TGFB1I1: variants seen among roughly 807,000 people sequenced by gnomAD.
TGFB1I1 encodes the protein transforming growth factor beta-1-induced transcript 1 protein.
In TGFB1I1, 33 loss-of-function variants were observed where a neutral mutation model predicts 52.0. The observed-to-expected ratio is 0.63, with a 90% confidence interval of 0.48 to 0.85. The LOEUF (loss-of-function observed/expected upper bound fraction) is 0.85, where lower values mean the gene tolerates loss of function less well. Among genes scored for constraint, TGFB1I1 ranks in the 40% least tolerant of loss-of-function variants. The pLI, the probability that TGFB1I1 is intolerant of heterozygous loss-of-function variation, is 0.00. For missense variants in TGFB1I1, 577 were observed against 614.9 expected, an observed-to-expected ratio of 0.94 and a Z score of 0.65; for synonymous variants, 236 against 253.3, an observed-to-expected ratio of 0.93 and a Z score of 0.65.
chr16:31,476,381 T>TCCCCCC lies in TGFB1I1; in HGVS notation c.889-99_889-94dup. 8.0e-7 allele frequency: 1 copy of TCCCCCC among 1,245,800 alleles called. No homozygotes were observed. The allele number at this position is 1,245,800 out of a possible 1,614,324, so 77.2% of individuals were successfully genotyped here. ...CGTTCCTAGTTAGATCTTCTCCCCC[T>TCCCCCC]CCCCCCACGCATGCCTTAGTCCAGT... On this transcript the variant is annotated intron_variant, in intron 8 of 10. Transcript: ENST00000394863. The surrounding 1 kb of genome is among the most constrained non-coding windows in gnomAD (Gnocchi z 7.6).
Position 31,477,418 on chromosome 16 carries a change from C to T in TGFB1I1, c.1228C>T (p.Leu410Phe), listed in dbSNP as rs1341192333. 3 of 1,605,180 alleles carry T rather than the reference C, an allele frequency of 1.9e-6. No individual in the cohort carries two copies. In the African/African-American group the frequency reaches 4.0e-5, roughly 21 times the overall value. Reference sequence around the variant, plus strand: ...CGGCTCGCTGTGCGCCACGTGTGGCCTCCCTGTGACCGGCCGCTGCGTGTC... The same window carrying T: ...CGGCTCGCTGTGCGCCACGTGTGGCTTCCCTGTGACCGGCCGCTGCGTGTC... ...RRGSLCATCG[L>F]PVTGRCVSAL... Residue 410 changes from leucine to phenylalanine, a missense_variant, in exon 11 of 11, where the codon CTC becomes TTC. Transcript: ENST00000394863. This position sits in a 1 kb window ranked among gnomAD's most constrained non-coding sequence, Gnocchi z 4.7.
chr16:31,475,156 C>T, intron 7 of TGFB1I1: 1 of 200,954 alleles, frequency 5.0e-6, no homozygotes, highest in South Asian at 7.2e-5. Flanking sequence ...TGATTGACAA[C>T]AGCTGTGCCT....
chr16:31,476,782 C>T lies in TGFB1I1; in HGVS notation c.971-80C>T, dbSNP rs2082426769. The T allele has an allele frequency of 8.2e-6, 13 of 1,585,232 alleles. No homozygotes were observed. The highest frequency in any genetic ancestry group is 9.4e-6 in the Non-Finnish European group (11 of 1,167,924). ...AGGCTCCCTCGGACTGCCCCTCCTT[C>T]GGCCCCAGATCTCAGGTCTTGTGGG... is the stretch of plus-strand genomic sequence containing the variant. On this transcript the variant is annotated intron_variant, in intron 9 of 10. Coordinates refer to ENST00000394863, the MANE Select transcript of TGFB1I1 (RefSeq NM_001042454.3). This position sits in a 1 kb window ranked among gnomAD's most constrained non-coding sequence, Gnocchi z 7.6.
chr16:31,472,477 G>T, intron 1 of TGFB1I1: 1 of 443,234 alleles, frequency 2.3e-6, no homozygotes, highest in Non-Finnish European at 3.6e-6. Context: ...GCCCGGGCGC[G>T]GGGCTCTGGG....
rs2082404871 is a variant in TGFB1I1, at chr16:31,473,739, G to A, written c.182+5G>A. 6.4e-7 allele frequency: 1 copy of A among 1,570,948 alleles called. No individual in the cohort carries two copies. Among genetic ancestry groups the A allele is most frequent in the Non-Finnish European group, 8.6e-7 (1 of 1,158,824 alleles). ...GGACAAGGACCACCTGTACAGGTGA[G>A]GGGCCTGGAAACCAGGGCATGGGGG... is the stretch of plus-strand genomic sequence containing the variant. On this transcript the variant is annotated splice_donor_5th_base_variant and intron_variant, in intron 3 of 10. Transcript: ENST00000394863.
rs2142599242 is a variant in TGFB1I1, at chr16:31,476,860, AG to A, written c.971del. 6.2e-7 allele frequency: 1 copy of A among 1,611,638 alleles called. No homozygotes were observed. Among genetic ancestry groups the A allele is most frequent in the East Asian group, 2.2e-5 (1 of 44,830 alleles). ...TTCAGCCCACTCGGTTCCCTCTCCT[AG>A]GTTTCCACGAGCGCGAGGGCCGCCC... On this transcript the variant is annotated splice_acceptor_variant, in intron 9 of 10. Coordinates refer to ENST00000394863, the MANE Select transcript of TGFB1I1 (RefSeq NM_001042454.3). LOFTEE classifies it high-confidence loss of function. The surrounding 1 kb of genome is among the most constrained non-coding windows in gnomAD (Gnocchi z 7.6).
At position 31,472,156 on chromosome 16, in the gene TGFB1I1, TGTTCGCCCCGCGCCACCGGCCCGCGCCCC is replaced by T; in HGVS notation, c.-31_-3del. The T allele has an allele frequency of 2.0e-6, 1 of 489,058 alleles. No individual in the cohort carries two copies. The highest frequency in any genetic ancestry group is 2.6e-6 in the Non-Finnish European group (1 of 383,904). The allele number at this position is 489,058 out of a possible 1,614,324, so 30.3% of individuals were successfully genotyped here. A position where few individuals can be genotyped will look rare whatever the true frequency, so the allele number is the denominator to read the frequency against. On this transcript the variant is annotated 5_prime_UTR_variant, in exon 1 of 11. Transcript: ENST00000394863. ...CCCCCACCGGACACGGCCCCCGCCC[TGTTCGCCCCGCGCCACCGGCCCGCGCCCC>T]GCCATGGAGGACCTGGGTGAGTGGG...
At position 31,477,720 on chromosome 16, in the gene TGFB1I1, G is replaced by T; in HGVS notation, c.*144G>T. The T allele has an allele frequency of 2.6e-6, 3 of 1,143,910 alleles. No homozygotes were observed. Among genetic ancestry groups the T allele is most frequent in the Non-Finnish European group, 3.6e-6 (3 of 836,542 alleles). 70.9% of individuals were successfully genotyped at this position (1,143,910 alleles called of 1,614,324 possible). A position where few individuals can be genotyped will look rare whatever the true frequency, so the allele number is the denominator to read the frequency against. ...CCTAAGGTACTATGAGTCCTCAGGG[G>T]TCAAGTTCAGAAACGGCCCAGCCAG... On this transcript the variant is annotated 3_prime_UTR_variant, in exon 11 of 11. Transcript: ENST00000394863. This position sits in a 1 kb window ranked among gnomAD's most constrained non-coding sequence, Gnocchi z 4.7.
rs2082427061 is a variant in TGFB1I1 at position 31,476,824 on chromosome 16, C to A, written c.971-38C>A. The stretch of plus-strand genomic sequence containing the variant: ...TCTTGTGGGTCCCCCGTCCCGCCCG[C>A]ACCCTTTGCTTTCAGCCCACTCGGT... On this transcript the variant is annotated intron_variant, in intron 9 of 10. Coordinates refer to ENST00000394863, the MANE Select transcript of TGFB1I1 (RefSeq NM_001042454.3). This position sits in a 1 kb window ranked among gnomAD's most constrained non-coding sequence, Gnocchi z 7.6. 2 of 1,610,606 alleles carry A rather than the reference C, an allele frequency of 1.2e-6. No homozygotes were observed. Among genetic ancestry groups the A allele is most frequent in the South Asian group, 2.2e-5 (2 of 90,776 alleles).
At chr16:31,473,201 A>G in intron 1 of TGFB1I1, 1 of 1,331,542 alleles carries the variant, frequency 7.5e-7, no homozygotes, top group Non-Finnish European at 9.6e-7. Flanking sequence ...ATCAGAGAAG[A>G]TGGGGAGAAT....
Position 31,477,399 on chromosome 16 carries a change from G to A in TGFB1I1, c.1209G>A (p.Ser403=), listed in dbSNP as rs1567384466. 6.2e-7 allele frequency: 1 copy of A among 1,609,752 alleles called. No homozygotes were observed. The highest frequency in any genetic ancestry group is 1.3e-5 in the African/African-American group (1 of 74,964). ...CENHFHARRG[S]LCATCGLPVT... is the part of the protein sequence containing the mutation. ...ACCACTTCCACGCACGACGCGGCTC[G>A]CTGTGCGCCACGTGTGGCCTCCCTG... Residue 403 remains serine, a synonymous_variant, in exon 11 of 11, where the codon TCG becomes TCA. Coordinates refer to ENST00000394863, the MANE Select transcript of TGFB1I1 (RefSeq NM_001042454.3). This position sits in a 1 kb window ranked among gnomAD's most constrained non-coding sequence, Gnocchi z 4.7.
In TGFB1I1 at chr16:31,474,081, A is replaced by AC; in HGVS notation, c.326-69dup. 2 of 1,610,896 alleles carry AC rather than the reference A, an allele frequency of 1.2e-6. No individual in the cohort carries two copies. The highest frequency in any genetic ancestry group is 1.7e-6 in the Non-Finnish European group (2 of 1,177,612). On this transcript the variant is annotated intron_variant, in intron 4 of 10. Transcript: ENST00000394863. The surrounding 1 kb of genome is among the most constrained non-coding windows in gnomAD (Gnocchi z 4.2). The stretch of plus-strand genomic sequence containing the variant: ...ACTTCCCAGAGTAGCAGTTAAAGGG[A>AC]CCTAAAGCCTCAAGTGTGAGGGTGC...
intron 7 of TGFB1I1, chr16:31,475,321 A>C (rs1277248154): frequency 1.9e-5 from 3 of 154,500 alleles, no homozygotes; most frequent in Non-Finnish European, 4.3e-5. Flanking sequence ...ATAGATTTTT[A>C]TGTCTGTGTT....
chr16:31,476,323 C>G lies in TGFB1I1; in HGVS notation c.888+138C>G. 2 of 1,279,296 alleles carry G rather than the reference C, an allele frequency of 1.6e-6. No homozygotes were observed. The highest frequency in any genetic ancestry group is 2.2e-6 in the Non-Finnish European group (2 of 928,836). The allele number at this position is 1,279,296 out of a possible 1,614,324, so 79.2% of individuals were successfully genotyped here. Reference sequence around the variant, plus strand: ...CCTTCCCCTTGGCAATGTCCACGGCCCCTTGGACTCCACTCTTCCTTTCTG... The same window carrying G: ...CCTTCCCCTTGGCAATGTCCACGGCGCCTTGGACTCCACTCTTCCTTTCTG... On this transcript the variant is annotated intron_variant, in intron 8 of 10. Transcript: ENST00000394863. This position sits in a 1 kb window ranked among gnomAD's most constrained non-coding sequence, Gnocchi z 7.6.
chr16:31,474,196 G>A lies in TGFB1I1; in HGVS notation c.370G>A (p.Glu124Lys). The change falls in exon 5 of 11, where the codon GAG (glutamate) becomes AAG (lysine). Residue 124 changes from glutamate (E) to lysine (K), a missense_variant. Physicochemically the swap from Glu to Lys is moderately conservative, Grantham distance 56 (BLOSUM62 1). Around this residue, in one of 3 missense-constraint regions of TGFB1I1, gnomAD observed 456 missense variants for 461.6 expected, o/e 0.99. Coordinates refer to ENST00000394863, the MANE Select transcript of TGFB1I1 (RefSeq NM_001042454.3). The surrounding 1 kb of genome is among the most constrained non-coding windows in gnomAD (Gnocchi z 4.2). ...CCCATCTAGCAAGGTGGCTTCAGGA[G>A]AGCAGAAGGAGGACCAGTCTGAAGA... ...QFPSSKVASG[E>K]QKEDQSEDKK... 2 of 1,614,188 alleles carry A rather than the reference G, an allele frequency of 1.2e-6. No homozygotes were observed. The highest frequency in any genetic ancestry group is 1.7e-6 in the Non-Finnish European group (2 of 1,180,024).
chr16:31,476,992 G>A lies in TGFB1I1; in HGVS notation c.1101G>A (p.Pro367=), dbSNP rs1472876560. The change falls in exon 10 of 11, where the codon CCG becomes CCA. Residue 367 remains proline (P), a synonymous_variant. Coordinates refer to ENST00000394863, the MANE Select transcript of TGFB1I1 (RefSeq NM_001042454.3). The surrounding 1 kb of genome is among the most constrained non-coding windows in gnomAD (Gnocchi z 7.6). ...CGGCGCTCAGCGCGCTCTGGCACCC[G>A]GACTGTTTCGTCTGCAGGGTGCGAG... ...YISALSALWH[P]DCFVCRECFA... The A allele has an allele frequency of 1.3e-6, 2 of 1,588,576 alleles. No homozygotes were observed. Among genetic ancestry groups the A allele is most frequent in the Non-Finnish European group, 8.5e-7 (1 of 1,173,824 alleles).
chr16:31,474,709 C>T lies in TGFB1I1; in HGVS notation c.666C>T (p.Thr222=). Reference sequence around the variant, plus strand: ...ACCTCAGCCGCCGGGGTGTTCCCACCCAGGCCAAAGGCCTCTGTGGCTCCT... The same window carrying T: ...ACCTCAGCCGCCGGGGTGTTCCCACTCAGGCCAAAGGCCTCTGTGGCTCCT... ...QSDLSRRGVP[T]QAKGLCGSCN... is the part of the protein sequence containing the mutation. Residue 222 remains threonine (T), a synonymous_variant, in exon 7 of 11, where the codon ACC becomes ACT. Transcript: ENST00000394863. This position sits in a 1 kb window ranked among gnomAD's most constrained non-coding sequence, Gnocchi z 4.2. The T allele has an allele frequency of 6.2e-6, 10 of 1,612,688 alleles. No individual in the cohort carries two copies. Among genetic ancestry groups the T allele is most frequent in the Non-Finnish European group, 8.5e-6 (10 of 1,179,618 alleles).
chr16:31,474,805 A>G lies in TGFB1I1; in HGVS notation c.714+48A>G, dbSNP rs1052079855. On this transcript the variant is annotated intron_variant, in intron 7 of 10. Transcript: ENST00000394863. This position sits in a 1 kb window ranked among gnomAD's most constrained non-coding sequence, Gnocchi z 4.2. ...GGAGGCAGAGACCTGTCACAGACCC[A>G]TCTTTAGTGAGAGCTGGGCTTTATG... 1 of 1,542,966 alleles carries G rather than the reference A, an allele frequency of 6.5e-7. No individual in the cohort carries two copies. Among genetic ancestry groups the G allele is most frequent in the Non-Finnish European group, 8.8e-7 (1 of 1,134,454 alleles).
chr16:31,474,578 C>A lies in TGFB1I1; in HGVS notation c.535C>A (p.Pro179Thr), dbSNP rs767567482. The A allele has an allele frequency of 8.7e-6, 14 of 1,608,168 alleles. No homozygotes were observed. The highest frequency in any genetic ancestry group is 1.2e-5 in the Non-Finnish European group (14 of 1,176,204). ...CCCGCTGCAGCTTCCAGCCTCTGGG[C>A]CAACTCAGCCACCGGTGGTGAGCTC... ...RVQNHLPASG[P>T]TQPPVVSSTN... The change falls in exon 7 of 11, where the codon CCA (proline) becomes ACA (threonine). Residue 179 changes from proline (P) to threonine (T), a missense_variant. Pro to Thr is a conservative substitution (Grantham distance 38). Transcript: ENST00000394863. The surrounding 1 kb of genome is among the most constrained non-coding windows in gnomAD (Gnocchi z 4.2).
Sources: allele counts gnomAD v4.1 joint callset, GRCh38; gene constraint gnomAD v4.1.1; regional missense constraint gnomAD v4.1.1; non-coding constraint Gnocchi (gnomAD v3.1); transcripts MANE v1.5; gene names NCBI Gene and HGNC (gene_info 2026-07-23, HGNC 2026-07-21).